Variants in CDK8 observed in about 807,000 individuals in gnomAD.
CDK8 encodes cyclin dependent kinase 8.
In CDK8, 29 loss-of-function variants were observed where a neutral mutation model predicts 71.5. The ratio of observed to expected loss-of-function variants is 0.41; its 90% confidence interval spans 0.30 to 0.55. The LOEUF (loss-of-function observed/expected upper bound fraction) is 0.55. Ranked by LOEUF, CDK8 falls within the 20% of genes least tolerant of loss-of-function variation. The probability of loss-of-function intolerance (pLI) is 0.37; values close to 1 mark genes in which losing one functional copy is unlikely to be tolerated. For missense variants in CDK8, 288 were observed against 572.6 expected, an observed-to-expected ratio of 0.50 and a Z score of 5.07; for synonymous variants, 161 against 192.1, an observed-to-expected ratio of 0.84 and a Z score of 1.34.
At chr13:26,287,973 TA>T (rs1231874144) in intron 1 of CDK8, among the ~76,000 whole-genome samples, 3 of 152,140 alleles carry the variant, frequency 2.0e-5, no homozygotes, top group Non-Finnish European at 1.5e-5. Flanking sequence ...TATTTTATTT[TA>T]TTTTTTTAGA....
chr13:26,293,785 G>A (rs954968730), intron 1 of CDK8, among the ~76,000 whole-genome samples: 1 of 151,974 alleles, frequency 6.6e-6, no homozygotes, highest in African/African-American at 2.4e-5. Context: ...TTAACCATAA[G>A]CATTAACTCA....
intron 4 of CDK8, among the ~76,000 whole-genome samples, chr13:26,366,618 T>C (rs1333707637): frequency 6.6e-6 from 1 of 152,214 alleles, no homozygotes. Context: ...ACTAAAAGTA[T>C]AATACTCTAA....
intron 1 of CDK8, among the ~76,000 whole-genome samples, chr13:26,329,800 G>A (rs1414038940): frequency 1.3e-5 from 2 of 152,032 alleles, no homozygotes; most frequent in Non-Finnish European, 2.9e-5. Context: ...CACTGCACCC[G>A]GCCGCCTATT....
intron 5 of CDK8, 79 bp downstream of exon 5, chr13:26,382,950 G>A (rs915836904): frequency 8.7e-6 from 7 of 808,428 alleles, no homozygotes; most frequent in African/African-American, 8.7e-5. Context: ...TCTAATTTTT[G>A]CTATAATATG....
intron 2 of CDK8, among the ~76,000 whole-genome samples, chr13:26,348,274 A>G (rs906500819): frequency 6.6e-6 from 1 of 152,134 alleles, no homozygotes; most frequent in Admixed American, 6.5e-5. Context: ...CCTTGGGGAA[A>G]AAGGCGGTGG....
In CDK8 at chr13:26,404,056, A is replaced by C; in HGVS notation, c.1370A>C (p.Tyr457Ser). ...YSATSQQPPQ[Y>S]SHQTHRY ...GCTACCTCCCAGCAGCCTCCACAGT[A>C]CTCACATCAGACACATCGGTACTGA... The change falls in exon 13 of 13, where the codon TAC becomes TCC. Residue 457 changes from tyrosine to serine, a missense_variant. Around this residue, in one of 6 missense-constraint regions of CDK8, gnomAD observed 76 missense variants for 99.7 expected, o/e 0.76. Coordinates refer to ENST00000381527, the MANE Select transcript of CDK8 (RefSeq NM_001260.3). The C allele has an allele frequency of 6.2e-7, 1 of 1,613,954 alleles. No individual in the cohort carries two copies. The highest frequency in any genetic ancestry group is 8.5e-7 in the Non-Finnish European group (1 of 1,179,992).
chr13:26,380,714 C>G (rs1214401363), intron 4 of CDK8, among the ~76,000 whole-genome samples: 2 of 152,210 alleles, frequency 1.3e-5, no homozygotes, highest in African/African-American at 4.8e-5. Context: ...CTCCTGGACT[C>G]TGGCAGCCCT....
At chr13:26,288,909 A>T (rs1873157683) in intron 1 of CDK8, among the ~76,000 whole-genome samples, 3 of 151,644 alleles carry the variant, frequency 2.0e-5, no homozygotes, top group Non-Finnish European at 4.4e-5. Flanking sequence ...GTGCCACTGC[A>T]CCTGGCTAAT....
chr13:26,302,778 T>C (rs1380157826), intron 1 of CDK8, among the ~76,000 whole-genome samples: 3 of 152,232 alleles, frequency 2.0e-5, no homozygotes, highest in Non-Finnish European at 4.4e-5. Flanking sequence ...TCTGCACATA[T>C]TGTAACTGTT....
chr13:26,341,130 G>A (rs757099782), intron 2 of CDK8, among the ~76,000 whole-genome samples: 2 of 152,032 alleles, frequency 1.3e-5, no homozygotes, highest in Non-Finnish European at 2.9e-5. Flanking sequence ...GCATACCTCA[G>A]TTTTTTTCTT....
intron 1 of CDK8, among the ~76,000 whole-genome samples, chr13:26,310,582 C>A (rs146651554): frequency 6.6e-6 from 1 of 152,042 alleles, no homozygotes. Context: ...CAATAGGGTC[C>A]GTTCTCCTAT....
chr13:26,382,406 G>T (rs1484739091), intron 4 of CDK8, among the ~76,000 whole-genome samples: 1 of 152,084 alleles, frequency 6.6e-6, no homozygotes, highest in Non-Finnish European at 1.5e-5. Flanking sequence ...AGGATTTCTG[G>T]TGATTCCTTG....
At chr13:26,354,951 G>T (rs1405573537) in intron 4 of CDK8, among the ~76,000 whole-genome samples, 1 of 151,956 alleles carries the variant, frequency 6.6e-6, no homozygotes, top group South Asian at 2.1e-4. Flanking sequence ...GTTTATAAAG[G>T]CACCTTCATT....
intron 1 of CDK8, among the ~76,000 whole-genome samples, chr13:26,267,603 T>C (rs1872079489): frequency 6.6e-6 from 1 of 152,228 alleles, no homozygotes; most frequent in African/African-American, 2.4e-5. Context: ...TATTCTGTGC[T>C]TTGCTTTTTT....
At chr13:26,257,643 G>A (rs902564541) in intron 1 of CDK8, among the ~76,000 whole-genome samples, 26 of 152,288 alleles carry the variant, frequency 1.7e-4, no homozygotes, top group Admixed American at 3.3e-4. Context: ...CCTCTTTGCA[G>A]AGTTTAGGCA....
chr13:26,396,106 G>A (rs1875979784), intron 7 of CDK8, 179 bp from the exon 8 acceptor site: 1 of 329,510 alleles, frequency 3.0e-6, no homozygotes, highest in Non-Finnish European at 5.7e-6. Context: ...TTATATAAGG[G>A]ATAAGGAATT....
chr13:26,322,641 C>T (rs186360777), intron 1 of CDK8, among the ~76,000 whole-genome samples: 1 of 152,230 alleles, frequency 6.6e-6, no homozygotes, highest in African/African-American at 2.4e-5. Flanking sequence ...TTATCACTTC[C>T]TGTTTACACT....
At chr13:26,389,628 G>C (rs1188940251) in intron 6 of CDK8, among the ~76,000 whole-genome samples, 1 of 152,080 alleles carries the variant, frequency 6.6e-6, no homozygotes, top group Non-Finnish European at 1.5e-5. Flanking sequence ...CCCAAGATCA[G>C]TCTTGGGGAA....
At chr13:26,334,462 C>T (rs560724998) in intron 1 of CDK8, among the ~76,000 whole-genome samples, 2 of 152,078 alleles carry the variant, frequency 1.3e-5, no homozygotes, top group Admixed American at 6.5e-5. Flanking sequence ...TCCTTAACTT[C>T]GTCTTTCTTT....
Sources: allele counts gnomAD v4.1 joint callset (sites outside exome capture counted in the v4.1 genomes callset), GRCh38; gene constraint gnomAD v4.1.1; regional missense constraint gnomAD v4.1.1; transcripts MANE v1.5; gene names NCBI Gene and HGNC (gene_info 2026-07-23, HGNC 2026-07-21).